The following ARHGEF3 variants were observed in gnomAD, a reference collection of about 807,000 sequenced individuals.
ARHGEF3 encodes the protein 59.8 kDA protein.
ARHGEF3 carries 28 observed loss-of-function variants against 63.2 expected under a neutral mutation model. That is an observed-to-expected ratio of 0.44 (90% CI 0.33 to 0.61). ARHGEF3 has a LOEUF of 0.61. ARHGEF3 is among the 20% of genes least tolerant of loss of function. The pLI is 0.03. For missense variants in ARHGEF3, 533 were observed against 659.3 expected (o/e 0.81, Z 2.10); for synonymous variants, 266 against 254.2 (o/e 1.05, Z -0.44).
chr3:56,958,726 T>G (rs1403618983), intron 3 of ARHGEF3: 1 of 1,285,048 alleles, frequency 7.8e-7, no homozygotes, highest in African/African-American at 1.5e-5. Flanking sequence ...GAGACTTTGA[T>G]TAGTAAAACC....
chr3:56,804,787 C>G (rs566623990), upstream of ARHGEF3, among the ~76,000 whole-genome samples: 1 of 152,244 alleles, frequency 6.6e-6, no homozygotes, highest in East Asian at 1.9e-4. Context: ...GGAGCTCACA[C>G]AAGTGCTCCA....
chr3:56,738,916 G>A (rs1045222341), intron 7 of ARHGEF3, among the ~76,000 whole-genome samples: 14 of 151,764 alleles, frequency 9.2e-5, no homozygotes, highest in Non-Finnish European at 2.1e-4. Context: ...CATGGTGAAC[G>A]CTGTCTCTAC....
chr3:56,894,978 A>G (rs965050752), intron 3 of ARHGEF3, among the ~76,000 whole-genome samples: 5 of 152,200 alleles, frequency 3.3e-5, no homozygotes, highest in African/African-American at 1.2e-4. Context: ...TTTGTGGCTC[A>G]CCACAACTTT....
chr3:57,037,195 GAAGAA>G, intron 1 of ARHGEF3, among the ~76,000 whole-genome samples: 1 of 152,308 alleles, frequency 6.6e-6, no homozygotes, highest in Admixed American at 6.5e-5. Flanking sequence ...GATCCCAGAA[GAAGAA>G]AAGATGGAAG....
intron 3 of ARHGEF3, among the ~76,000 whole-genome samples, chr3:56,933,887 A>G (rs1400190019): frequency 6.6e-6 from 1 of 152,160 alleles, no homozygotes; most frequent in Non-Finnish European, 1.5e-5. Flanking sequence ...TCATGGGGGC[A>G]GTTTCCCCAA....
chr3:56,746,044 TTC>T (rs2034364802), intron 6 of ARHGEF3, among the ~76,000 whole-genome samples: 1 of 152,222 alleles, frequency 6.6e-6, no homozygotes, highest in Non-Finnish European at 1.5e-5. Context: ...AAATGCTAAT[TTC>T]TCTGACACAT....
intron 2 of ARHGEF3, among the ~76,000 whole-genome samples, chr3:56,985,772 C>CAAGCACACCTGGGTCTTAT (rs1553798082): frequency 3.4e-4 from 51 of 152,152 alleles, no homozygotes; most frequent in African/African-American, 1.0e-3. Context: ...CCAGAATGAA[C>CAAGCACACCTGGGTCTTAT]AAGCAGGTGA....
At chr3:56,889,541 T>C (rs2041041640) in intron 3 of ARHGEF3, among the ~76,000 whole-genome samples, 1 of 152,156 alleles carries the variant, frequency 6.6e-6, no homozygotes. Context: ...GTAAGCCTTG[T>C]GGTGTTCATT....
chr3:56,865,600 C>T (rs534482417), intron 4 of ARHGEF3, among the ~76,000 whole-genome samples: 1 of 152,294 alleles, frequency 6.6e-6, no homozygotes, highest in South Asian at 2.1e-4. Context: ...TAGTAAATTA[C>T]TGTGCCTTTA....
chr3:57,033,199 C>A (rs1703804218), intron 2 of ARHGEF3, among the ~76,000 whole-genome samples: 1 of 152,146 alleles, frequency 6.6e-6, no homozygotes, highest in Non-Finnish European at 1.5e-5. Context: ...ATGTTTCAGA[C>A]CTTACAGGCA....
intron 2 of ARHGEF3, among the ~76,000 whole-genome samples, chr3:56,760,938 C>A (rs752385905): frequency 6.6e-6 from 1 of 152,090 alleles, no homozygotes; most frequent in African/African-American, 2.4e-5. Context: ...TCAGAAGGGA[C>A]TGGATGTTGA....
Position 56,737,183 on chromosome 3 carries a change from A to G in ARHGEF3, c.1041+2T>C. The G allele has an allele frequency of 6.2e-7, 1 of 1,613,060 alleles. No homozygotes were observed. Among genetic ancestry groups the G allele is most frequent in the Middle Eastern group, 1.7e-4 (1 of 5,956 alleles). Reference sequence around the variant, plus strand: ...GACTGCTTAAAGGGAGTAACTACTTACCACGCCCCGATTGTTCTTCAGTTC... The same window carrying G: ...GACTGCTTAAAGGGAGTAACTACTTGCCACGCCCCGATTGTTCTTCAGTTC... On this transcript the variant is annotated splice_donor_variant, in intron 8 of 9. Transcript: ENST00000296315. LOFTEE classifies it high-confidence loss of function.
chr3:56,737,890 T>C (rs2033738570), intron 7 of ARHGEF3, among the ~76,000 whole-genome samples: 2 of 152,158 alleles, frequency 1.3e-5, no homozygotes, highest in East Asian at 1.9e-4. Context: ...TTTTTTGATA[T>C]GGAGTTTCCC....
Position 56,903,089 on chromosome 3 carries a change from C to G in ARHGEF3, c.130-20735G>C, listed in dbSNP as rs201579687. The stretch of plus-strand genomic sequence containing the variant: ...AAACATACACACACACACACACACA[C>G]AGAGAGAGAGAGAGAGAACGAACCC... On this transcript the variant is annotated intron_variant, in intron 3 of 12. Transcript: ENST00000338458. 3.5e-3 allele frequency among the ~76,000 whole-genome samples: 468 copies of G among 132,272 alleles called. 3 individuals carry two copies. Among genetic ancestry groups the G allele is most frequent in the South Asian group, 0.017 (68 of 4,086 alleles). 86.8% of individuals were successfully genotyped at this position (132,272 alleles called of 152,430 possible). A position where few individuals can be genotyped will look rare whatever the true frequency, so the allele number is the denominator to read the frequency against.
intron 4 of ARHGEF3, among the ~76,000 whole-genome samples, chr3:56,752,731 T>G (rs766092585): frequency 6.6e-6 from 1 of 152,250 alleles, no homozygotes; most frequent in Non-Finnish European, 1.5e-5. Context: ...ATAACTTCTT[T>G]GTCCTCTCTG....
chr3:56,946,458 G>C (rs1278414716), intron 3 of ARHGEF3, among the ~76,000 whole-genome samples: 3 of 152,166 alleles, frequency 2.0e-5, no homozygotes, highest in Non-Finnish European at 4.4e-5. Flanking sequence ...GAAAACAAAG[G>C]CATGAGAACT....
chr3:56,778,432 T>A (rs2036388169), intron 1 of ARHGEF3, among the ~76,000 whole-genome samples: 1 of 152,246 alleles, frequency 6.6e-6, no homozygotes, highest in Non-Finnish European at 1.5e-5. Flanking sequence ...TGACTACTCA[T>A]CTCTGCTTTC....
intron 1 of ARHGEF3, among the ~76,000 whole-genome samples, chr3:56,801,428 C>T (rs1297960906): frequency 6.6e-6 from 1 of 152,234 alleles, no homozygotes; most frequent in Non-Finnish European, 1.5e-5. Context: ...GAGGCAGTTG[C>T]TCCCAGACCG....
At chr3:57,042,700 A>ATATATATT (rs1704272727) in intron 1 of ARHGEF3, among the ~76,000 whole-genome samples, 1 of 66,120 alleles carries the variant, frequency 1.5e-5, no homozygotes, top group African/African-American at 5.0e-5. Flanking sequence ...ATATATATAT[A>ATATATATT]TTTTTTTTTT....
Sources: allele counts gnomAD v4.1 joint callset (sites outside exome capture counted in the v4.1 genomes callset), GRCh38; gene constraint gnomAD v4.1.1; transcripts MANE v1.5; gene names NCBI Gene and HGNC (gene_info 2026-07-23, HGNC 2026-07-21).